The following MEIOB variants were observed in gnomAD, a reference collection of about 807,000 sequenced individuals.
The protein encoded by MEIOB is meiosis-specific with OB domain-containing protein.
In MEIOB, 50 loss-of-function variants were observed where a neutral mutation model predicts 53.1. The observed-to-expected ratio is 0.94, with a 90% confidence interval of 0.75 to 1.19. The LOEUF is 1.19. Ranked by LOEUF, MEIOB falls within the 50% of genes most tolerant of loss-of-function variation. The probability of loss-of-function intolerance (pLI) is 0.00; values close to 1 mark genes in which losing one functional copy is unlikely to be tolerated. For synonymous variants in MEIOB, 192 were observed against 182.5 expected, an observed-to-expected ratio of 1.05 and a Z score of -0.42; for missense variants, 551 against 550.8, an observed-to-expected ratio of 1.00 and a Z score of 0.00.
intron 11 of MEIOB, chr16:1,839,653 G>T: frequency 2.1e-6 from 1 of 474,622 alleles, no homozygotes; most frequent in Non-Finnish European, 3.7e-6. Flanking sequence ...GCGTACACCA[G>T]TCCTCTGCCT....
At chr16:1,870,959 C>T (rs1335298394) in intron 1 of MEIOB, among the ~76,000 whole-genome samples, 2 of 152,010 alleles carry the variant, frequency 1.3e-5, no homozygotes, top group Non-Finnish European at 2.9e-5. Flanking sequence ...TACCTACACA[C>T]CAAGGGATTT....
At chr16:1,870,635 A>C (rs1899720281) in intron 1 of MEIOB, among the ~76,000 whole-genome samples, 2 of 152,244 alleles carry the variant, frequency 1.3e-5, no homozygotes, top group Admixed American at 1.3e-4. Context: ...CGATGTTCAC[A>C]GGCTCACAGT....
In MEIOB at chr16:1,860,631, T is replaced by C. The variant is rs573950955; in HGVS notation, c.260-156A>G. ...TCTTCTCCATCATCAACATATAACA[T>C]ATTTTGATACTGAGATGTCAAAATT... On this transcript the variant is annotated intron_variant, in intron 4 of 13. Coordinates refer to ENST00000325962, the MANE Select transcript of MEIOB (RefSeq NM_001163560.3). Among the ~76,000 whole-genome samples, 8 of 152,348 alleles carry C rather than the reference T, an allele frequency of 5.3e-5. No homozygotes were observed. In the South Asian group the frequency reaches 1.4e-3, roughly 28 times the overall value.
chr16:1,852,407 C>A (rs916783907), intron 9 of MEIOB, among the ~76,000 whole-genome samples: 1 of 151,768 alleles, frequency 6.6e-6, no homozygotes, highest in Non-Finnish European at 1.5e-5. Flanking sequence ...GTACTACAGG[C>A]GCACACTTTT....
At chr16:1,862,252 T>C (rs1037503392) in intron 3 of MEIOB, 136 bp from the exon 4 acceptor site, 3 of 676,270 alleles carry the variant, frequency 4.4e-6, no homozygotes, top group Non-Finnish European at 7.3e-6. Context: ...AACTATTGAT[T>C]ATGATAATAA....
At chr16:1,837,086 C>G (rs577118900) in intron 13 of MEIOB, among the ~76,000 whole-genome samples, 37 of 152,280 alleles carry the variant, frequency 2.4e-4, no homozygotes, top group African/African-American at 8.7e-4. Context: ...TGCACTTTTC[C>G]TCCTCTGACA....
intron 9 of MEIOB, 43 bp downstream of exon 9, chr16:1,852,996 C>T (rs1174609548): frequency 8.9e-7 from 1 of 1,120,952 alleles, no homozygotes; most frequent in Non-Finnish European, 1.3e-6. Flanking sequence ...GAAATGTGTT[C>T]AGTCATTTCC....
chr16:1,856,758 C>A (rs1447878710), intron 6 of MEIOB, among the ~76,000 whole-genome samples: 12 of 104,360 alleles, frequency 1.1e-4, no homozygotes, highest in Admixed American at 5.9e-4. Flanking sequence ...CCACGCCAGG[C>A]CTTTTTTTTT....
intron 11 of MEIOB, chr16:1,841,183 A>AT (rs199575059): frequency 0.13 from 19,508 of 151,314 alleles, 1,263 homozygotes; most frequent in East Asian, 0.16. Flanking sequence ...CACCCAGCTA[A>AT]TTTTTTGTAT....
chr16:1,859,096 G>A (rs1408616195), intron 5 of MEIOB, among the ~76,000 whole-genome samples: 4 of 152,128 alleles, frequency 2.6e-5, no homozygotes, highest in Non-Finnish European at 4.4e-5. Flanking sequence ...CAAAAGCCAG[G>A]GCAAAATCCC....
At chr16:1,860,358 G>T in intron 5 of MEIOB, 45 bp downstream of exon 5, 1 of 1,015,654 alleles carries the variant, frequency 9.8e-7, no homozygotes, top group Non-Finnish European at 1.5e-6. Context: ...AACATTATTA[G>T]TAATGATCAT....
intron 11 of MEIOB, 95 bp from the exon 12 acceptor site, chr16:1,839,533 AGT>A: frequency 8.5e-7 from 1 of 1,178,272 alleles, no homozygotes; most frequent in Non-Finnish European, 1.2e-6. Flanking sequence ...ACTCTACGAC[AGT>A]GTGTGGAAAA....
In MEIOB at chr16:1,853,268, C is replaced by G; in HGVS notation, c.633G>C (p.Trp211Cys). 6.5e-7 allele frequency: 1 copy of G among 1,547,238 alleles called. No individual in the cohort carries two copies. Among genetic ancestry groups the G allele is most frequent in the Non-Finnish European group, 8.8e-7 (1 of 1,142,782 alleles). ...ETESSFAMTC[W>C]DNESILLAQS... ...GTGCAAGTAGAATGGATTCATTATC[C>G]CAACTGCATTTGTTTAAAAAGAAGT... The change falls in exon 8 of 14, where the codon TGG becomes TGC. Residue 211 changes from tryptophan to cysteine, a missense_variant. Trp to Cys is a radical substitution (Grantham distance 215). Coordinates refer to ENST00000325962, the MANE Select transcript of MEIOB (RefSeq NM_001163560.3).
In MEIOB at chr16:1,847,917, T is replaced by G. The variant is rs532261628; in HGVS notation, c.779-2954A>C. The stretch of plus-strand genomic sequence containing the variant: ...GATAATGCCAACATTTTAAAAAATG[T>G]TTCCAAAGTAACAATCATGGCTTTA... On this transcript the variant is annotated intron_variant, in intron 9 of 13. Coordinates refer to ENST00000325962, the MANE Select transcript of MEIOB (RefSeq NM_001163560.3). 5.9e-5 allele frequency among the ~76,000 whole-genome samples: 9 copies of G among 152,248 alleles called. No homozygotes were observed. The South Asian group carries it at 1.9e-3, about 32-fold the overall frequency.
intron 13 of MEIOB, among the ~76,000 whole-genome samples, chr16:1,835,605 T>G (rs918554448): frequency 6.6e-6 from 1 of 152,146 alleles, no homozygotes; most frequent in African/African-American, 2.4e-5. Flanking sequence ...TAGTCTGACA[T>G]TGGCTAGAAC....
chr16:1,865,054 T>C (rs404413), intron 3 of MEIOB, among the ~76,000 whole-genome samples: 125,550 of 152,108 alleles, frequency 0.83, 51,934 homozygotes, highest in Middle Eastern at 0.9. Flanking sequence ...GAGGATGAGG[T>C]GGGATGATCA....
At position 1,834,172 on chromosome 16, in the gene MEIOB, T is replaced by C; in HGVS notation, c.*84A>G. On this transcript the variant is annotated 3_prime_UTR_variant, in exon 14 of 14. Transcript: ENST00000325962. ...ACCACATGTAAACAAAATGCAATTT[T>C]CCCCATAATTTTCAAATTAATATTC... is the stretch of plus-strand genomic sequence containing the variant. 1 of 731,954 alleles carries C rather than the reference T, an allele frequency of 1.4e-6. No homozygotes were observed. The highest frequency in any genetic ancestry group is 1.8e-5 in the South Asian group (1 of 56,898). 45.3% of individuals were successfully genotyped at this position (731,954 alleles called of 1,614,324 possible). A position where few individuals can be genotyped will look rare whatever the true frequency, so the allele number is the denominator to read the frequency against.
intron 1 of MEIOB, among the ~76,000 whole-genome samples, chr16:1,870,823 A>G (rs1314123579): frequency 6.6e-6 from 1 of 152,186 alleles, no homozygotes; most frequent in Non-Finnish European, 1.5e-5. Flanking sequence ...CCGAACTGTG[A>G]CAAATTCATT....
intron 5 of MEIOB, among the ~76,000 whole-genome samples, chr16:1,858,334 C>T (rs1899359507): frequency 6.6e-6 from 1 of 152,122 alleles, no homozygotes; most frequent in African/African-American, 2.4e-5. Flanking sequence ...TTTTTCCTAC[C>T]CCTACTGAGC....
Sources: allele counts gnomAD v4.1 joint callset (sites outside exome capture counted in the v4.1 genomes callset), GRCh38; gene constraint gnomAD v4.1.1; transcripts MANE v1.5; gene names NCBI Gene and HGNC (gene_info 2026-07-23, HGNC 2026-07-21).